PRKCE: variants seen among roughly 807,000 people sequenced by gnomAD.
PRKCE encodes the protein protein kinase C epsilon type.
In PRKCE, 16 loss-of-function variants were observed where a neutral mutation model predicts 85.4. That is an observed-to-expected ratio of 0.19 (90% CI 0.13 to 0.28). The LOEUF (loss-of-function observed/expected upper bound fraction) is 0.28. Ranked by LOEUF, PRKCE falls within the 10% of genes least tolerant of loss-of-function variation. The pLI is 1.00. For synonymous variants in PRKCE, 388 were observed against 371.5 expected (o/e 1.04, Z -0.51); for missense variants, 573 against 975.2 (o/e 0.59, Z 5.49).
At chr2:45,685,506 C>A (rs1355582490) in intron 1 of PRKCE, 1 of 151,996 alleles carries the variant, frequency 6.6e-6, no homozygotes, top group East Asian at 1.9e-4. Context: ...GTTAACAAAA[C>A]AGGCCAGGTG....
chr2:45,982,111 C>G (rs1244746257), intron 5 of PRKCE, among the ~76,000 whole-genome samples: 1 of 152,220 alleles, frequency 6.6e-6, no homozygotes, highest in Admixed American at 6.5e-5. Flanking sequence ...CTCTGGGTTT[C>G]TTAGCTTGGT....
At chr2:46,029,060 T>C (rs564843694) in intron 10 of PRKCE, among the ~76,000 whole-genome samples, 164 of 152,360 alleles carry the variant, frequency 1.1e-3, no homozygotes, top group African/African-American at 3.8e-3. Context: ...CAGTCTATCA[T>C]TGATGGGCAT....
intron 1 of PRKCE, among the ~76,000 whole-genome samples, chr2:45,743,390 A>G (rs984863421): frequency 2.6e-5 from 4 of 152,092 alleles, no homozygotes; most frequent in African/African-American, 9.7e-5. Flanking sequence ...CTTTTTGTCA[A>G]TTATACCTCA....
At chr2:45,684,940 C>G (rs1439191457) in intron 1 of PRKCE, among the ~76,000 whole-genome samples, 3 of 152,210 alleles carry the variant, frequency 2.0e-5, no homozygotes, top group Non-Finnish European at 4.4e-5. Flanking sequence ...TGAGGAAGAG[C>G]TAGATCCAGA....
chr2:46,108,346 T>A (rs910397426), intron 11 of PRKCE, among the ~76,000 whole-genome samples: 1 of 152,236 alleles, frequency 6.6e-6, no homozygotes, highest in African/African-American at 2.4e-5. Context: ...TGAAATCATA[T>A]CTTTTGCAGT....
At chr2:45,812,754 T>C (rs999296312) in intron 1 of PRKCE, among the ~76,000 whole-genome samples, 3 of 152,234 alleles carry the variant, frequency 2.0e-5, no homozygotes, top group Non-Finnish European at 4.4e-5. Context: ...CGGCAGGGAC[T>C]GGATCCCATA....
In PRKCE at chr2:45,786,825, C is replaced by T. The variant is rs542241132; in HGVS notation, c.349-56175C>T. 2.0e-5 allele frequency among the ~76,000 whole-genome samples: 3 copies of T among 152,232 alleles called. No homozygotes were observed. The highest frequency in any genetic ancestry group is 2.1e-4 in the South Asian group (1 of 4,816). On this transcript the variant is annotated intron_variant, in intron 1 of 14. Coordinates refer to ENST00000306156, the MANE Select transcript of PRKCE (RefSeq NM_005400.3). The surrounding 1 kb of genome is among the most constrained non-coding windows in gnomAD (Gnocchi z 5.3). ...ACCCCCGTTTTACAGAGGTGGAAAC[C>T]GAGGGTTTAGACAGCTGAAGTAACT...
chr2:45,690,964 T>G (rs1677681123), intron 1 of PRKCE, among the ~76,000 whole-genome samples: 1 of 152,258 alleles, frequency 6.6e-6, no homozygotes, highest in Admixed American at 6.5e-5. Flanking sequence ...ATTTTGGAAA[T>G]AGTTTTATGT....
chr2:46,147,525 C>A (rs1300975887), intron 12 of PRKCE, among the ~76,000 whole-genome samples: 1 of 152,238 alleles, frequency 6.6e-6, no homozygotes, highest in Non-Finnish European at 1.5e-5. Context: ...CAACTCTGAT[C>A]TCTGTTCACA....
intron 1 of PRKCE, among the ~76,000 whole-genome samples, chr2:45,731,318 T>C (rs7587872): frequency 9.3e-4 from 141 of 152,314 alleles, no homozygotes; most frequent in African/African-American, 3.2e-3. Context: ...CTTGTGGTTT[T>C]CTGGTCAGTA....
At chr2:46,026,023 A>G (rs143443596) in intron 10 of PRKCE, among the ~76,000 whole-genome samples, 17 of 152,338 alleles carry the variant, frequency 1.1e-4, no homozygotes, top group African/African-American at 4.1e-4. Context: ...AAAATGATCA[A>G]TAGATATGAT....
intron 1 of PRKCE, among the ~76,000 whole-genome samples, chr2:45,654,625 C>G (rs1190799049): frequency 6.6e-6 from 1 of 152,206 alleles, no homozygotes; most frequent in Non-Finnish European, 1.5e-5. Context: ...TACTTGATAA[C>G]TTCATCTCTT....
chr2:45,721,743 G>T (rs1680638832), intron 1 of PRKCE, among the ~76,000 whole-genome samples: 1 of 152,196 alleles, frequency 6.6e-6, no homozygotes, highest in East Asian at 1.9e-4. Context: ...CAGGCATGGA[G>T]GTGTGCACCT....
At chr2:45,762,956 CTTT>C (rs11322742) in intron 1 of PRKCE, among the ~76,000 whole-genome samples, 1 of 135,388 alleles carries the variant, frequency 7.4e-6, no homozygotes. Flanking sequence ...TTCTTTTCTT[CTTT>C]TTTTTTTTTT....
At chr2:46,130,878 G>A (rs541302993) in intron 11 of PRKCE, among the ~76,000 whole-genome samples, 1 of 152,200 alleles carries the variant, frequency 6.6e-6, no homozygotes, top group East Asian at 1.9e-4. Context: ...GCTGTACTTC[G>A]TGTGCGCACC....
intron 2 of PRKCE, among the ~76,000 whole-genome samples, chr2:45,948,146 A>G (rs1044109177): frequency 6.6e-6 from 1 of 152,218 alleles, no homozygotes; most frequent in South Asian, 2.1e-4. Context: ...ATTAGTGTTC[A>G]TGTTACATCT....
chr2:45,680,701 T>G (rs1223036581), intron 1 of PRKCE, among the ~76,000 whole-genome samples: 1 of 152,220 alleles, frequency 6.6e-6, no homozygotes, highest in East Asian at 1.9e-4. Flanking sequence ...AAAAGCCTTT[T>G]TAACAAATGC....
chr2:45,812,812 C>G (rs1688745023), intron 1 of PRKCE, among the ~76,000 whole-genome samples: 1 of 152,170 alleles, frequency 6.6e-6, no homozygotes, highest in Non-Finnish European at 1.5e-5. Flanking sequence ...TAGCATTGTT[C>G]TCTGCTCTTG....
chr2:46,167,372 G>GGATGGTGTT (rs529962036), intron 14 of PRKCE, among the ~76,000 whole-genome samples: 2 of 152,170 alleles, frequency 1.3e-5, no homozygotes, highest in African/African-American at 2.4e-5. Flanking sequence ...GTGAACACTT[G>GGATGGTGTT]GATGGTGTTG....
Sources: allele counts gnomAD v4.1 joint callset (sites outside exome capture counted in the v4.1 genomes callset), GRCh38; gene constraint gnomAD v4.1.1; non-coding constraint Gnocchi (gnomAD v3.1); transcripts MANE v1.5; gene names NCBI Gene and HGNC (gene_info 2026-07-23, HGNC 2026-07-21).